The following PDE7B variants were observed in gnomAD, a reference collection of about 807,000 sequenced individuals.
PDE7B encodes the protein phosphodiesterase 7B, also known as 3',5'-cyclic-AMP phosphodiesterase 7B.
A neutral mutation model predicts 56.2 loss-of-function variants in PDE7B; 29 were observed. The ratio of observed to expected loss-of-function variants is 0.52; its 90% CI spans 0.38 to 0.70. The LOEUF is 0.70. PDE7B is among the 30% of genes least tolerant of loss of function. The pLI is 0.00. For synonymous variants in PDE7B, 197 were observed against 196.9 expected (o/e 1.00, Z 0.00); for missense variants, 490 against 565.0 (o/e 0.87, Z 1.35).
At chr6:135,858,030 G>A (rs561586782) in intron 1 of PDE7B, among the ~76,000 whole-genome samples, 120 of 152,136 alleles carry the variant, frequency 7.9e-4, no homozygotes, top group Non-Finnish European at 1.5e-3. Context: ...TATTTATAAA[G>A]GGAAAAAGTT....
chr6:136,115,925 G>A (rs181802138), intron 3 of PDE7B, among the ~76,000 whole-genome samples: 1 of 152,218 alleles, frequency 6.6e-6, no homozygotes, highest in African/African-American at 2.4e-5. Context: ...GGGAGATGGG[G>A]GAGAAACCTG....
chr6:136,004,888 A>G (rs1775747989), intron 2 of PDE7B, among the ~76,000 whole-genome samples: 1 of 152,064 alleles, frequency 6.6e-6, no homozygotes, highest in Non-Finnish European at 1.5e-5. Flanking sequence ...AAGAGCCCAC[A>G]TCGCCAAGTC....
intron 2 of PDE7B, among the ~76,000 whole-genome samples, chr6:135,968,423 T>C (rs952952957): frequency 1.3e-5 from 2 of 151,946 alleles, no homozygotes; most frequent in South Asian, 4.1e-4. Context: ...AATTCTAACA[T>C]CTAGAATCTA....
intron 3 of PDE7B, among the ~76,000 whole-genome samples, chr6:136,141,200 C>T (rs1194111719): frequency 6.6e-6 from 1 of 152,104 alleles, no homozygotes; most frequent in Admixed American, 6.5e-5. Context: ...TGTCAAAGGC[C>T]TTTTCTGCGT....
intron 1 of PDE7B, among the ~76,000 whole-genome samples, chr6:135,940,905 C>T (rs883799): frequency 0.34 from 51,396 of 152,070 alleles, 9,242 homozygotes; most frequent in Admixed American, 0.49. Flanking sequence ...ACATTGGGAG[C>T]GCCCATTATG....
intron 1 of PDE7B, among the ~76,000 whole-genome samples, chr6:135,858,711 T>C (rs1429726509): frequency 3.3e-5 from 5 of 151,624 alleles, no homozygotes; most frequent in Admixed American, 3.3e-4. Flanking sequence ...CTAAGAAACT[T>C]TGGCCTGTTA....
At position 135,925,239 on chromosome 6, in the gene PDE7B, A is replaced by G. The variant is rs193262137; in HGVS notation, c.22-22225A>G. Among the ~76,000 whole-genome samples the G allele has an allele frequency of 1.6e-3, 247 of 152,286 alleles. 1 individual carries two copies. The highest frequency in any genetic ancestry group is 3.1e-3 in the Non-Finnish European group (210 of 68,034). On this transcript the variant is annotated intron_variant, in intron 1 of 12. Coordinates refer to ENST00000308191, the MANE Select transcript of PDE7B (RefSeq NM_018945.4). ...GTTCAACTTGGAAAGAGTCAGTAACAGGGTCCTCAGGCAGTTTAGATCTTG... is the reference window on the plus strand; with the variant it reads ...GTTCAACTTGGAAAGAGTCAGTAACGGGGTCCTCAGGCAGTTTAGATCTTG...
intron 2 of PDE7B, among the ~76,000 whole-genome samples, chr6:136,041,620 C>T (rs1173755012): frequency 1.3e-5 from 2 of 152,200 alleles, no homozygotes; most frequent in Admixed American, 6.5e-5. Context: ...GGAGTGCCCC[C>T]AAAGCTGGGC....
chr6:135,950,292 T>C (rs907528673), intron 2 of PDE7B, among the ~76,000 whole-genome samples: 1 of 152,112 alleles, frequency 6.6e-6, no homozygotes, highest in Non-Finnish European at 1.5e-5. Flanking sequence ...CTGTCTAAGG[T>C]ATTAATTAGT....
chr6:135,957,883 C>T (rs1437351562), intron 2 of PDE7B, among the ~76,000 whole-genome samples: 1 of 152,144 alleles, frequency 6.6e-6, no homozygotes, highest in Non-Finnish European at 1.5e-5. Context: ...GCCATTTGAG[C>T]TCTGGGAGTA....
intron 2 of PDE7B, among the ~76,000 whole-genome samples, chr6:135,959,081 A>G (rs1361073680): frequency 6.6e-6 from 1 of 152,154 alleles, no homozygotes; most frequent in Non-Finnish European, 1.5e-5. Context: ...AATCTTGTAC[A>G]TTGCCATTTT....
chr6:135,952,101 T>C (rs1774712430), intron 2 of PDE7B, among the ~76,000 whole-genome samples: 1 of 152,136 alleles, frequency 6.6e-6, no homozygotes, highest in African/African-American at 2.4e-5. Flanking sequence ...CTGTCCTTCC[T>C]AGCCCAGGGG....
intron 2 of PDE7B, among the ~76,000 whole-genome samples, chr6:136,008,177 G>T (rs550727231): frequency 2.0e-5 from 3 of 151,922 alleles, no homozygotes; most frequent in African/African-American, 7.3e-5. Flanking sequence ...CATTTTTTAC[G>T]GCTGCATAGT....
chr6:136,095,969 A>G (rs1777464258), intron 2 of PDE7B: 1 of 152,226 alleles, frequency 6.6e-6, no homozygotes, highest in Non-Finnish European at 1.5e-5. Context: ...TGGGTATAAT[A>G]TAATCAATTC....
chr6:136,141,891 T>C (rs1778333094), intron 3 of PDE7B, among the ~76,000 whole-genome samples: 1 of 152,096 alleles, frequency 6.6e-6, no homozygotes, highest in Non-Finnish European at 1.5e-5. Context: ...ATTTTGTTGA[T>C]CTTTTCAAAA....
chr6:136,046,754 C>T (rs745966168), intron 2 of PDE7B, among the ~76,000 whole-genome samples: 1 of 152,186 alleles, frequency 6.6e-6, no homozygotes, highest in African/African-American at 2.4e-5. Flanking sequence ...ATAGACCCAC[C>T]TCTTAATATA....
chr6:135,967,618 A>T (rs149438810), intron 2 of PDE7B, among the ~76,000 whole-genome samples: 97 of 152,324 alleles, frequency 6.4e-4, no homozygotes, highest in African/African-American at 2.2e-3. Flanking sequence ...TGCCAAGCAA[A>T]TATTCCTGGA....
chr6:135,907,727 A>C (rs1308698123), intron 1 of PDE7B, among the ~76,000 whole-genome samples: 1 of 152,198 alleles, frequency 6.6e-6, no homozygotes, highest in Non-Finnish European at 1.5e-5. Flanking sequence ...ATATTCCTAA[A>C]AATACATGTA....
At chr6:136,130,004 G>A (rs962207874) in intron 3 of PDE7B, among the ~76,000 whole-genome samples, 4 of 152,078 alleles carry the variant, frequency 2.6e-5, no homozygotes, top group Admixed American at 1.3e-4. Flanking sequence ...GCTTTAGCAC[G>A]GTATGTGTAT....
Sources: gnomAD v4.1 joint callset for allele counts (sites outside exome capture counted in the v4.1 genomes callset) on GRCh38, gnomAD v4.1.1 for gene constraint, MANE v1.5 for transcripts, NCBI Gene and HGNC (gene_info 2026-07-23, HGNC 2026-07-21) for gene names.